Variants in HS6ST2 observed in about 807,000 individuals in gnomAD.
HS6ST2 encodes heparan sulfate 6-O-sulfotransferase 2.
Under a neutral mutation model 33.0 loss-of-function variants are expected in HS6ST2, and 17 were observed. The ratio of observed to expected loss-of-function variants is 0.52; its 90% confidence interval spans 0.35 to 0.77. The LOEUF (loss-of-function observed/expected upper bound fraction) is 0.77. Among genes scored for constraint, HS6ST2 ranks in the 30% least tolerant of loss-of-function variants. The probability of loss-of-function intolerance (pLI) is 0.01; values close to 1 mark genes in which losing one functional copy is unlikely to be tolerated. For synonymous variants in HS6ST2, 248 were observed against 237.1 expected (o/e 1.05, Z -0.42); for missense variants, 519 against 551.7 (o/e 0.94, Z 0.59).
chrX:132,680,623 G>A (rs1428416966), intron 3 of HS6ST2, among the ~76,000 whole-genome samples: 1 of 111,383 alleles, frequency 9.0e-6, no homozygotes, highest in Non-Finnish European at 1.9e-5. Flanking sequence ...GGGCTCAAAG[G>A]AGAACAACAC....
At chrX:132,939,454 A>G (rs987887968) in intron 2 of HS6ST2, among the ~76,000 whole-genome samples, 5 of 110,259 alleles carry the variant, frequency 4.5e-5, no homozygotes, top group African/African-American at 1.7e-4. Context: ...GTGAAACCCC[A>G]TCTCTACTAA....
intron 2 of HS6ST2, among the ~76,000 whole-genome samples, chrX:132,774,483 C>G (rs952883805): frequency 1.8e-5 from 2 of 111,879 alleles, no homozygotes; most frequent in African/African-American, 6.5e-5. Context: ...GAGACCTTAT[C>G]TATCTGGGGA....
intron 2 of HS6ST2, among the ~76,000 whole-genome samples, chrX:132,794,573 TG>T (rs1372368475): frequency 3.7e-4 from 37 of 100,902 alleles, no homozygotes; most frequent in African/African-American, 1.4e-3. Context: ...ATGATGATGA[TG>T]ATTATTATTA....
intron 4 of HS6ST2, 67 bp from the exon 5 acceptor site, chrX:132,629,160 A>G: frequency 6.4e-6 from 7 of 1,087,654 alleles, no homozygotes; most frequent in Non-Finnish European, 6.1e-6. Flanking sequence ...ATGGAGGTAC[A>G]TGGCATATGT....
intron 2 of HS6ST2, among the ~76,000 whole-genome samples, chrX:132,739,504 C>G (rs1380254912): frequency 9.0e-6 from 1 of 110,844 alleles, no homozygotes; most frequent in East Asian, 2.8e-4. Context: ...CACTTGAGGT[C>G]AGGAGATCGA....
chrX:132,892,800 CAG>C (rs2066330354), intron 2 of HS6ST2, among the ~76,000 whole-genome samples: 1 of 111,709 alleles, frequency 9.0e-6, no homozygotes, highest in South Asian at 3.8e-4. Flanking sequence ...GCCTGGGTGA[CAG>C]AGTGAGACTC....
intron 4 of HS6ST2, among the ~76,000 whole-genome samples, chrX:132,666,718 G>A (rs1475406820): frequency 8.9e-6 from 1 of 111,841 alleles, no homozygotes; most frequent in Admixed American, 9.5e-5. Context: ...TTCAAAAACA[G>A]AGAAGACTGA....
chrX:132,795,467 C>T (rs1035660026), intron 2 of HS6ST2, among the ~76,000 whole-genome samples: 2 of 112,041 alleles, frequency 1.8e-5, no homozygotes, highest in Non-Finnish European at 3.8e-5. Context: ...GCAGATCTGG[C>T]TGGCTGCACA....
At chrX:132,920,468 T>C (rs1455947883) in intron 2 of HS6ST2, among the ~76,000 whole-genome samples, 1 of 111,697 alleles carries the variant, frequency 9.0e-6, no homozygotes, top group Non-Finnish European at 1.9e-5. Flanking sequence ...TGGCAAAACA[T>C]CTTTTAGGTA....
chrX:132,668,030 T>G (rs752969584), intron 4 of HS6ST2, among the ~76,000 whole-genome samples: 11 of 111,654 alleles, frequency 9.9e-5, no homozygotes, highest in Non-Finnish European at 1.9e-4. Flanking sequence ...CAACTTTATA[T>G]GCAAACCTGA....
In HS6ST2 at chrX:132,628,979, C is replaced by G. The variant is rs1448659572; in HGVS notation, c.1182G>C (p.Arg394Ser). Reference protein sequence around the residue: ...WKASLHVCDGRPPTSEELPSC... With the variant: ...WKASLHVCDGSPPTSEELPSC... ...TGGGCAGCTCTTCGGAGGTTGGAGG[C>G]CTTCCATCGCAGACATGCAGGGATG... The change falls in exon 5 of 5, where the codon AGG becomes AGC. Residue 394 changes from arginine (R) to serine (S), a missense_variant. Arg to Ser is a moderately radical substitution (Grantham distance 110). Coordinates refer to ENST00000370833, the MANE Select transcript of HS6ST2 (RefSeq NM_001394073.1). 1.7e-6 allele frequency: 2 copies of G among 1,209,257 alleles called. No individual in the cohort carries two copies. The highest frequency in any genetic ancestry group is 1.1e-6 in the Non-Finnish European group (1 of 894,348).
At chrX:132,870,247 A>G (rs776800457) in intron 2 of HS6ST2, among the ~76,000 whole-genome samples, 88 of 111,767 alleles carry the variant, frequency 7.9e-4, no homozygotes, top group African/African-American at 2.8e-3. Context: ...ACTACAAACC[A>G]CTGTTCAAGG....
intron 2 of HS6ST2, among the ~76,000 whole-genome samples, chrX:132,819,412 G>C (rs1043331906): frequency 1.8e-5 from 2 of 111,513 alleles, no homozygotes; most frequent in African/African-American, 6.5e-5. Context: ...AAATGCTGGA[G>C]ACAAAAAAAT....
At chrX:132,720,948 G>A (rs986037220) in intron 2 of HS6ST2, among the ~76,000 whole-genome samples, 1 of 111,478 alleles carries the variant, frequency 9.0e-6, no homozygotes, top group African/African-American at 3.3e-5. Context: ...CCATTAGAGT[G>A]AAAGAGAGAG....
At chrX:132,654,674 A>G (rs930401049) in intron 4 of HS6ST2, among the ~76,000 whole-genome samples, 17 of 112,161 alleles carry the variant, frequency 1.5e-4, no homozygotes, top group Non-Finnish European at 3.2e-4. Flanking sequence ...ATAAGAGAAT[A>G]GGTGGTCTTT....
intron 2 of HS6ST2, among the ~76,000 whole-genome samples, chrX:132,786,812 A>C (rs1419787971): frequency 9.3e-6 from 1 of 107,922 alleles, no homozygotes; most frequent in Non-Finnish European, 1.9e-5. Flanking sequence ...AGTAGAGACG[A>C]GGTTTCACCA....
intron 2 of HS6ST2, among the ~76,000 whole-genome samples, chrX:132,821,254 C>T (rs1248934824): frequency 3.0e-5 from 3 of 101,604 alleles, no homozygotes; most frequent in Non-Finnish European, 6.0e-5. Context: ...TCTCTGTCGC[C>T]CAGGCTGGAG....
intron 2 of HS6ST2, among the ~76,000 whole-genome samples, chrX:132,732,333 A>G (rs1363982372): frequency 2.7e-5 from 3 of 111,810 alleles, no homozygotes; most frequent in African/African-American, 9.8e-5. Flanking sequence ...ACCCCCTACA[A>G]GAGAAAAATC....
chrX:132,808,457 C>G (rs143631550), intron 2 of HS6ST2, among the ~76,000 whole-genome samples: 323 of 111,856 alleles, frequency 2.9e-3, no homozygotes, highest in African/African-American at 0.01. Context: ...CAGGCTACCC[C>G]ACTTGCCTGG....
Sources: gnomAD v4.1 joint callset for allele counts (sites outside exome capture counted in the v4.1 genomes callset) on GRCh38, gnomAD v4.1.1 for gene constraint, MANE v1.5 for transcripts, NCBI Gene and HGNC (gene_info 2026-07-23, HGNC 2026-07-21) for gene names.